Variants in KIAA1671 observed in about 807,000 individuals in gnomAD.
KIAA1671 encodes uncharacterized protein KIAA1671.
A neutral mutation model predicts 131.2 loss-of-function variants in KIAA1671; 52 were observed. The ratio of observed to expected loss-of-function variants is 0.40; its 90% confidence interval spans 0.32 to 0.50. The LOEUF (loss-of-function observed/expected upper bound fraction) is 0.50. KIAA1671 is among the 20% of genes least tolerant of loss of function. The pLI, the probability that KIAA1671 is intolerant of heterozygous loss-of-function variation, is 0.73. For synonymous variants in KIAA1671, 1,003 were observed against 961.6 expected, an observed-to-expected ratio of 1.04 and a Z score of -0.80; for missense variants, 2,360 against 2,364.2, an observed-to-expected ratio of 1.00 and a Z score of 0.04.
intron 6 of KIAA1671, among the ~76,000 whole-genome samples, chr22:25,168,941 G>A (rs570819388): frequency 7.2e-5 from 11 of 152,240 alleles, no homozygotes; most frequent in South Asian, 2.1e-4. Flanking sequence ...GGATTTCTAC[G>A]TGAGGACAAT....
chr22:25,038,643 T>A (rs1331857242), intron 4 of KIAA1671, 117 bp from the exon 5 acceptor site: 1 of 1,103,728 alleles, frequency 9.1e-7, no homozygotes, highest in Non-Finnish European at 1.3e-6. Context: ...CTTTTCAATT[T>A]TATGGTATTT....
At chr22:25,120,287 A>G (rs998218852) in intron 6 of KIAA1671, among the ~76,000 whole-genome samples, 1 of 152,272 alleles carries the variant, frequency 6.6e-6, no homozygotes, top group East Asian at 1.9e-4. Flanking sequence ...AAAGGCCAGC[A>G]TGATGTCACT....
At chr22:25,149,166 G>A (rs1932957612) in intron 6 of KIAA1671, among the ~76,000 whole-genome samples, 1 of 152,160 alleles carries the variant, frequency 6.6e-6, no homozygotes, top group Admixed American at 6.5e-5. Context: ...CCTCGACTCT[G>A]GACATTGGAG....
At chr22:25,085,908 G>A (rs1929694537) in intron 6 of KIAA1671, among the ~76,000 whole-genome samples, 1 of 152,120 alleles carries the variant, frequency 6.6e-6, no homozygotes, top group African/African-American at 2.4e-5. Context: ...TGCACTGGAG[G>A]AATGAAAGAA....
At position 25,039,979 on chromosome 22, in the gene KIAA1671, G is replaced by A. The variant is rs1926823634; in HGVS notation, c.2849G>A (p.Arg950Gln). Residue 950 changes from arginine to glutamine, a missense_variant, in exon 5 of 13, where the codon CGG becomes CAG. Transcript: ENST00000358431. ...CAGAGAATGGACAGATGGCGGCGGC[G>A]GACTTTACCCCCCAACGTGAAATTT... is the stretch of plus-strand genomic sequence containing the variant. ...MDQRMDRWRR[R>Q]TLPPNVKFDT... 13 of 1,551,220 alleles carry A rather than the reference G, an allele frequency of 8.4e-6. No homozygotes were observed. The highest frequency in any genetic ancestry group is 2.4e-5 in the South Asian group (2 of 84,038).
At chr22:24,977,138 A>G (rs1296683029) in intron 1 of KIAA1671, among the ~76,000 whole-genome samples, 5 of 152,164 alleles carry the variant, frequency 3.3e-5, no homozygotes, top group African/African-American at 4.8e-5. Context: ...GGCAGCTGTT[A>G]TTATGATTAC....
chr22:25,149,477 T>G (rs1364332019), intron 6 of KIAA1671, among the ~76,000 whole-genome samples: 1 of 152,088 alleles, frequency 6.6e-6, no homozygotes, highest in Non-Finnish European at 1.5e-5. Flanking sequence ...CTGGCTTGAA[T>G]CCTTTTCCCT....
At chr22:25,056,930 CTA>C (rs1927871530) in intron 6 of KIAA1671, 1 of 151,898 alleles carries the variant, frequency 6.6e-6, no homozygotes, top group Non-Finnish European at 1.5e-5. Flanking sequence ...GTTGCTGTGA[CTA>C]TGTTAGACAC....
chr22:24,985,735 A>T (rs1028857925), intron 1 of KIAA1671, among the ~76,000 whole-genome samples: 5 of 146,316 alleles, frequency 3.4e-5, no homozygotes, highest in Admixed American at 3.4e-4. Flanking sequence ...AGAGTGTGTG[A>T]GTGTGTGTGT....
rs886556099 is a variant in KIAA1671 at position 25,067,196 on chromosome 22, C to T, written c.4530+17832C>T. On this transcript the variant is annotated intron_variant, in intron 6 of 12. Transcript: ENST00000358431. ...GTCTCCATTGTTGGCACCTGCCCAG[C>T]GGTGCTCCCCTCCCCACACCCCCCA... 7.9e-5 allele frequency among the ~76,000 whole-genome samples: 12 copies of T among 152,160 alleles called. No individual in the cohort carries two copies. The East Asian group carries it at 1.7e-3, about 22-fold the overall frequency.
At chr22:25,031,593 G>T (rs1012219416) in intron 3 of KIAA1671, among the ~76,000 whole-genome samples, 3 of 152,126 alleles carry the variant, frequency 2.0e-5, no homozygotes, top group Non-Finnish European at 2.9e-5. Context: ...GCCTCCCAAA[G>T]TGCTGGGATT....
chr22:25,158,974 C>T (rs888761070), intron 6 of KIAA1671, among the ~76,000 whole-genome samples: 2 of 152,048 alleles, frequency 1.3e-5, no homozygotes, highest in African/African-American at 4.8e-5. Flanking sequence ...ATGCAGTTGG[C>T]GCTTCTTAGG....
intron 6 of KIAA1671, among the ~76,000 whole-genome samples, chr22:25,170,014 C>T (rs1049518074): frequency 3.3e-5 from 5 of 152,088 alleles, no homozygotes; most frequent in Non-Finnish European, 5.9e-5. Context: ...CCCGAGTTCA[C>T]GCCGTTCTCC....
chr22:24,968,533 C>T (rs1430187894), intron 1 of KIAA1671, among the ~76,000 whole-genome samples: 1 of 152,210 alleles, frequency 6.6e-6, no homozygotes, highest in Non-Finnish European at 1.5e-5. Context: ...AGCATCCACA[C>T]CCATGGAATG....
At chr22:25,034,459 T>A (rs1338170258) in intron 4 of KIAA1671, among the ~76,000 whole-genome samples, 29 of 151,600 alleles carry the variant, frequency 1.9e-4, no homozygotes, top group African/African-American at 6.8e-4. Flanking sequence ...GAATCAGTCC[T>A]CTTTTTTTTT....
intron 5 of KIAA1671, among the ~76,000 whole-genome samples, chr22:25,042,216 C>T (rs1926968606): frequency 6.6e-6 from 1 of 152,262 alleles, no homozygotes; most frequent in East Asian, 1.9e-4. Context: ...CCCCATGCAG[C>T]GCGCCGGCCA....
chr22:25,004,151 T>C (rs1924621159), intron 1 of KIAA1671, among the ~76,000 whole-genome samples: 1 of 151,648 alleles, frequency 6.6e-6, no homozygotes, highest in South Asian at 2.1e-4. Flanking sequence ...GGTTTTACTC[T>C]GTTGTTCAAG....
At chr22:25,093,537 G>A (rs912904994) in intron 6 of KIAA1671, among the ~76,000 whole-genome samples, 4 of 152,110 alleles carry the variant, frequency 2.6e-5, no homozygotes, top group African/African-American at 9.7e-5. Flanking sequence ...CAATTGCTTG[G>A]AGAAGTCCTT....
intron 6 of KIAA1671, among the ~76,000 whole-genome samples, chr22:25,147,793 C>T (rs1932911893): frequency 6.6e-6 from 1 of 152,190 alleles, no homozygotes. Flanking sequence ...GAAGGGAGGG[C>T]TGGCAGGTGG....
Sources: gnomAD v4.1 joint callset for allele counts (sites outside exome capture counted in the v4.1 genomes callset) on GRCh38, gnomAD v4.1.1 for gene constraint, MANE v1.5 for transcripts, NCBI Gene and HGNC (gene_info 2026-07-23, HGNC 2026-07-21) for gene names.